MICU1: variants seen among roughly 807,000 people sequenced by gnomAD.
MICU1 encodes the protein calcium uptake protein 1, mitochondrial.
Under a neutral mutation model 56.8 loss-of-function variants are expected in MICU1, and 45 were observed. The ratio of observed to expected loss-of-function variants is 0.79; its 90% CI spans 0.62 to 1.02. The LOEUF is 1.02. Ranked by LOEUF, MICU1 falls within the 50% of genes least tolerant of loss-of-function variation. MICU1 has a pLI of 0.00. For synonymous variants in MICU1, 186 were observed against 195.1 expected, an observed-to-expected ratio of 0.95 and a Z score of 0.39; for missense variants, 504 against 587.1, an observed-to-expected ratio of 0.86 and a Z score of 1.46.
At chr10:72,564,670 G>C (rs1403595532) in intron 2 of MICU1, among the ~76,000 whole-genome samples, 1 of 151,556 alleles carries the variant, frequency 6.6e-6, no homozygotes, top group African/African-American at 2.4e-5. Context: ...CTAAACTAAA[G>C]TGACAGAGAT....
rs1589184175 is a variant in MICU1 at position 72,408,077 on chromosome 10, A to G, written c.1072-40T>C. The G allele has an allele frequency of 3.6e-6, 5 of 1,383,458 alleles. No homozygotes were observed. The East Asian group carries it at 6.8e-5, about 19-fold the overall frequency. The allele number at this position is 1,383,458 out of a possible 1,614,324, so 85.7% of individuals were successfully genotyped here. A position where few individuals can be genotyped will look rare whatever the true frequency, so the allele number is the denominator to read the frequency against. On this transcript the variant is annotated intron_variant, in intron 9 of 11. Transcript: ENST00000361114. ...ACAGCAAGGTAAGGCAGGACCTGTA[A>G]CAAAAAGCAGCACGATATGCATAGG...
At chr10:72,486,385 T>C (rs1309422449) in intron 6 of MICU1, among the ~76,000 whole-genome samples, 1 of 152,236 alleles carries the variant, frequency 6.6e-6, no homozygotes, top group African/African-American at 2.4e-5. Context: ...TGACTAACAT[T>C]ACTATCTCAG....
intron 9 of MICU1, among the ~76,000 whole-genome samples, chr10:72,410,183 T>C (rs921904739): frequency 2.6e-5 from 4 of 152,250 alleles, no homozygotes; most frequent in Non-Finnish European, 5.9e-5. Context: ...TGTGTATCTG[T>C]AGTTCATTCA....
intron 10 of MICU1, among the ~76,000 whole-genome samples, chr10:72,377,446 ATCTT>A (rs1157830622): frequency 6.6e-6 from 1 of 152,132 alleles, no homozygotes; most frequent in Non-Finnish European, 1.5e-5. Flanking sequence ...CAGGATGCAT[ATCTT>A]TCTTTTAAAA....
intron 8 of MICU1, among the ~76,000 whole-genome samples, chr10:72,439,603 G>A (rs924863658): frequency 2.0e-5 from 3 of 152,174 alleles, no homozygotes; most frequent in Non-Finnish European, 2.9e-5. Flanking sequence ...AAATGAGGAA[G>A]TCAAATTGTC....
chr10:72,537,959 G>A (rs1055663699), intron 4 of MICU1, among the ~76,000 whole-genome samples: 3 of 152,090 alleles, frequency 2.0e-5, no homozygotes, highest in African/African-American at 4.8e-5. Flanking sequence ...AACATTACAA[G>A]GGAGCATACA....
At chr10:72,406,586 T>C (rs1863637472) in intron 10 of MICU1, among the ~76,000 whole-genome samples, 1 of 151,386 alleles carries the variant, frequency 6.6e-6, no homozygotes, top group Admixed American at 6.6e-5. Context: ...AGGACTTTCA[T>C]ATATGTTCAT....
At chr10:72,520,921 C>T (rs1867798422) in intron 5 of MICU1, among the ~76,000 whole-genome samples, 1 of 152,080 alleles carries the variant, frequency 6.6e-6, no homozygotes. Flanking sequence ...TGCATACTAG[C>T]TTCAAAGCAG....
intron 8 of MICU1, among the ~76,000 whole-genome samples, chr10:72,450,726 C>CTTT (rs34091247): frequency 3.9e-5 from 5 of 128,782 alleles, no homozygotes; most frequent in African/African-American, 8.3e-5. Flanking sequence ...TTTTTTAATT[C>CTTT]TTTTTTTTTT....
intron 5 of MICU1, among the ~76,000 whole-genome samples, chr10:72,521,380 CATTAAAGACCAT>C (rs1256553012): frequency 6.6e-6 from 1 of 151,976 alleles, no homozygotes; most frequent in African/African-American, 2.4e-5. Context: ...TTAAAGACAA[CATTAAAGACCAT>C]GAAAAACTTA....
At chr10:72,452,104 G>C (rs1255557133) in intron 8 of MICU1, among the ~76,000 whole-genome samples, 2 of 152,138 alleles carry the variant, frequency 1.3e-5, no homozygotes, top group Non-Finnish European at 2.9e-5. Flanking sequence ...CTGACCTCAG[G>C]TGATCTGCCT....
chr10:72,560,803 G>A (rs1039516205), intron 3 of MICU1, among the ~76,000 whole-genome samples: 1 of 152,170 alleles, frequency 6.6e-6, no homozygotes, highest in African/African-American at 2.4e-5. Context: ...CCAGGAGGCA[G>A]AGGTTGCAGT....
chr10:72,533,901 T>G (rs1839557555), intron 4 of MICU1, 112 bp from the exon 5 acceptor site: 1 of 699,476 alleles, frequency 1.4e-6, no homozygotes, highest in South Asian at 2.0e-5. Context: ...TACAAAACAT[T>G]TATTCAAAGG....
chr10:72,413,727 C>T (rs946183581), intron 9 of MICU1, among the ~76,000 whole-genome samples: 6 of 151,676 alleles, frequency 4.0e-5, no homozygotes, highest in African/African-American at 1.5e-4. Flanking sequence ...GAGGGAGACC[C>T]TGTCTCAAAA....
At chr10:72,443,091 T>C (rs1033553491) in intron 8 of MICU1, among the ~76,000 whole-genome samples, 7 of 152,196 alleles carry the variant, frequency 4.6e-5, no homozygotes, top group African/African-American at 1.7e-4. Flanking sequence ...TTTCTCATTG[T>C]GGTTTTGATT....
rs911043279 is a variant in MICU1, at chr10:72,500,375, G to A, written c.652+7780C>T. On this transcript the variant is annotated intron_variant, in intron 6 of 11. Coordinates refer to ENST00000361114, the MANE Select transcript of MICU1 (RefSeq NM_001195518.2). ...GTTGCCCAGGCTAGGGTGCAGTGGCGTGATCTCAGCTCACTGCCGGATCAC... is the reference window on the plus strand; with the variant it reads ...GTTGCCCAGGCTAGGGTGCAGTGGCATGATCTCAGCTCACTGCCGGATCAC... Among the ~76,000 whole-genome samples the A allele has an allele frequency of 3.7e-5, 5 of 136,028 alleles. No individual in the cohort carries two copies. The East Asian group carries it at 8.9e-4, about 24-fold the overall frequency. The allele number at this position is 136,028 out of a possible 152,430, so 89.2% of individuals were successfully genotyped here. A position where few individuals can be genotyped will look rare whatever the true frequency, so the allele number is the denominator to read the frequency against.
At chr10:72,468,387 C>G (rs1865858883) in intron 8 of MICU1, among the ~76,000 whole-genome samples, 1 of 150,918 alleles carries the variant, frequency 6.6e-6, no homozygotes, top group South Asian at 2.1e-4. Flanking sequence ...TTTCTAATAC[C>G]TTTCAGTTTT....
intron 5 of MICU1, among the ~76,000 whole-genome samples, chr10:72,524,521 A>C (rs984576287): frequency 6.6e-6 from 1 of 152,198 alleles, no homozygotes; most frequent in Non-Finnish European, 1.5e-5. Flanking sequence ...CTTCCTTTTA[A>C]ATCATGCTGG....
At chr10:72,404,567 T>A (rs984332339) in intron 10 of MICU1, among the ~76,000 whole-genome samples, 2 of 152,074 alleles carry the variant, frequency 1.3e-5, no homozygotes, top group African/African-American at 4.8e-5. Context: ...GAAAGAGAAT[T>A]CATAATTTGC....
Sources: allele counts gnomAD v4.1 joint callset (sites outside exome capture counted in the v4.1 genomes callset), GRCh38; gene constraint gnomAD v4.1.1; transcripts MANE v1.5; gene names NCBI Gene and HGNC (gene_info 2026-07-23, HGNC 2026-07-21).